Variants in NLRP1 observed in about 807,000 individuals in gnomAD.
The protein encoded by NLRP1 is NACHT, LRR and PYD domains-containing protein 1.
A neutral mutation model predicts 136.7 loss-of-function variants in NLRP1; 94 were observed. The ratio of observed to expected loss-of-function variants is 0.69; its 90% CI spans 0.58 to 0.82. The LOEUF is 0.82. Ranked by LOEUF, NLRP1 falls within the 40% of genes least tolerant of loss-of-function variation. The pLI is 0.00. For synonymous variants in NLRP1, 690 were observed against 725.1 expected, an observed-to-expected ratio of 0.95 and a Z score of 0.78; for missense variants, 1,575 against 1,802.7, an observed-to-expected ratio of 0.87 and a Z score of 2.29.
intron 5 of NLRP1, among the ~76,000 whole-genome samples, chr17:5,548,412 G>C (rs1459120795): frequency 6.6e-6 from 1 of 152,088 alleles, no homozygotes; most frequent in Non-Finnish European, 1.5e-5. Context: ...TGAGGATAGA[G>C]AGCCATCAAT....
intron 5 of NLRP1, among the ~76,000 whole-genome samples, chr17:5,552,188 T>C (rs980086401): frequency 7.2e-5 from 11 of 151,754 alleles, no homozygotes; most frequent in Non-Finnish European, 1.3e-4. Context: ...TTTTGGCATG[T>C]TGTGATTTTG....
chr17:5,553,172 T>C (rs1466405427), intron 5 of NLRP1, among the ~76,000 whole-genome samples: 3 of 152,164 alleles, frequency 2.0e-5, no homozygotes, highest in African/African-American at 7.2e-5. Context: ...CTCTGTATTC[T>C]TCAGACCTCC....
intron 15 of NLRP1, chr17:5,502,153 T>C (rs754526571): frequency 1.7e-5 from 6 of 357,532 alleles, no homozygotes; most frequent in Non-Finnish European, 3.2e-5. Flanking sequence ...GCTGAATGAA[T>C]GATGCAGTGA....
rs193242411 is a variant in NLRP1 at position 5,534,853 on chromosome 17, T to C, written c.2961-865A>G. On this transcript the variant is annotated intron_variant, in intron 8 of 16. Coordinates refer to ENST00000572272, the MANE Select transcript of NLRP1 (RefSeq NM_033004.4). ...CACCCTCCAATGTCACCTGGGCCAC[T>C]TTTTCCTGGCTCACTGACCTCTAGT... Among the ~76,000 whole-genome samples, 652 of 135,806 alleles carry C rather than the reference T, an allele frequency of 4.8e-3. 4 individuals carry two copies. The highest frequency in any genetic ancestry group is 7.9e-3 in the Non-Finnish European group (484 of 61,088). The allele number at this position is 135,806 out of a possible 152,430, so 89.1% of individuals were successfully genotyped here.
At chr17:5,572,654 G>A (rs1360185227) in intron 3 of NLRP1, among the ~76,000 whole-genome samples, 1 of 149,526 alleles carries the variant, frequency 6.7e-6, no homozygotes, top group East Asian at 2.0e-4. Flanking sequence ...AGGTTGCAAT[G>A]AGCAGAGATC....
intron 12 of NLRP1, among the ~76,000 whole-genome samples, chr17:5,526,284 G>A (rs1276956044): frequency 3.3e-5 from 5 of 152,084 alleles, no homozygotes; most frequent in Admixed American, 3.3e-4. Flanking sequence ...AGCCACTAAG[G>A]TATTTTGAAT....
chr17:5,565,661 T>C (rs1915250402), intron 3 of NLRP1, among the ~76,000 whole-genome samples: 1 of 152,218 alleles, frequency 6.6e-6, no homozygotes, highest in African/African-American at 2.4e-5. Flanking sequence ...TGTTTTTGTC[T>C]GGTTTTGGTA....
chr17:5,583,081 G>A lies in NLRP1; in HGVS notation c.272-235C>T, dbSNP rs1020574100. Among the ~76,000 whole-genome samples the A allele has an allele frequency of 2.0e-5, 3 of 147,440 alleles. No homozygotes were observed. Among genetic ancestry groups the A allele is most frequent in the Admixed American group, 1.3e-4 (2 of 15,136 alleles). On this transcript the variant is annotated intron_variant, in intron 1 of 16. Coordinates refer to ENST00000572272, the MANE Select transcript of NLRP1 (RefSeq NM_033004.4). This position sits in a 1 kb window ranked among gnomAD's most constrained non-coding sequence, Gnocchi z 4.5. ...AAATTTGCATATCTGTCTTGGTCCT[G>A]ACTATCTCCCTGTGTAAATCACTAC...
At chr17:5,554,729 T>TA (rs1388611309) in intron 4 of NLRP1, among the ~76,000 whole-genome samples, 3 of 151,946 alleles carry the variant, frequency 2.0e-5, no homozygotes, top group Admixed American at 6.6e-5. Flanking sequence ...TACAAACATA[T>TA]AAAAAAAGCC....
intron 3 of NLRP1, among the ~76,000 whole-genome samples, chr17:5,573,159 C>G (rs1904609462): frequency 6.6e-6 from 1 of 152,194 alleles, no homozygotes; most frequent in African/African-American, 2.4e-5. Flanking sequence ...AACGGCACAC[C>G]AGGAGATTAT....
At chr17:5,519,739 C>T (rs963422840) in intron 14 of NLRP1, among the ~76,000 whole-genome samples, 2 of 151,934 alleles carry the variant, frequency 1.3e-5, no homozygotes, top group African/African-American at 2.4e-5. Context: ...TGACCCACTG[C>T]GCCTGGCCCA....
downstream of NLRP1, among the ~76,000 whole-genome samples, chr17:5,513,613 C>G (rs77531303): frequency 0.011 from 1,663 of 152,304 alleles, 127 homozygotes; most frequent in South Asian, 0.17. Context: ...GGTACGAAGA[C>G]ATTTCTATGC....
chr17:5,521,814 A>G, intron 12 of NLRP1, 28 bp from the exon 13 acceptor site: 2 of 1,544,216 alleles, frequency 1.3e-6, no homozygotes, highest in Non-Finnish European at 1.7e-6. Flanking sequence ...GAAGAGGCAC[A>G]GGTTTATTTT....
intron 3 of NLRP1, among the ~76,000 whole-genome samples, chr17:5,562,916 G>A (rs555074656): frequency 6.6e-5 from 10 of 152,272 alleles, no homozygotes; most frequent in African/African-American, 2.4e-4. Context: ...AATGCAGCAG[G>A]TTCTGAACCC....
chr17:5,512,041 C>A (rs1025512662), downstream of NLRP1: 5 of 646,124 alleles, frequency 7.7e-6, no homozygotes, highest in East Asian at 2.6e-5. Context: ...TAGTTGTTAT[C>A]AAAAATTAAC....
chr17:5,576,173 G>A (rs528229141), intron 3 of NLRP1, among the ~76,000 whole-genome samples: 83 of 152,238 alleles, frequency 5.5e-4, no homozygotes, highest in Non-Finnish European at 9.7e-4. Flanking sequence ...AGAGAAAGCA[G>A]GAAAGATCTA....
rs560499705 is a variant in NLRP1, at chr17:5,556,998, T to A, written c.2357+1341A>T. 1.8e-4 allele frequency among the ~76,000 whole-genome samples: 28 copies of A among 152,230 alleles called. 1 individual carries two copies. The South Asian group carries it at 5.4e-3, about 29-fold the overall frequency. ...TTTTTCATCTTTTTGCTTATCTACG[T>A]TATCTTTTGTTTGTTTGTTTTTTGA... On this transcript the variant is annotated intron_variant, in intron 4 of 16. Coordinates refer to ENST00000572272, the MANE Select transcript of NLRP1 (RefSeq NM_033004.4).
At chr17:5,501,970 A>C in intron 15 of NLRP1, 1 of 1,094,256 alleles carries the variant, frequency 9.1e-7, no homozygotes, top group Non-Finnish European at 1.4e-6. Context: ...AATCCAACTC[A>C]AACTGCCATC....
At chr17:5,545,208 C>T (rs527978200) in intron 5 of NLRP1, among the ~76,000 whole-genome samples, 1 of 152,104 alleles carries the variant, frequency 6.6e-6, no homozygotes, top group South Asian at 2.1e-4. Context: ...TTTTGGAGGC[C>T]GAGGTGGGAG....
Sources: allele counts gnomAD v4.1 joint callset (sites outside exome capture counted in the v4.1 genomes callset), GRCh38; gene constraint gnomAD v4.1.1; non-coding constraint Gnocchi (gnomAD v3.1); transcripts MANE v1.5; gene names NCBI Gene and HGNC (gene_info 2026-07-23, HGNC 2026-07-21).